Variants in PHKB observed in about 807,000 individuals in gnomAD.
PHKB encodes the protein phosphorylase b kinase regulatory subunit beta.
PHKB carries 122 observed loss-of-function variants against 152.1 expected under a neutral mutation model. The ratio of observed to expected loss-of-function variants is 0.80; its 90% confidence interval spans 0.69 to 0.93. PHKB has a LOEUF of 0.93. Ranked by LOEUF, PHKB falls within the 40% of genes least tolerant of loss-of-function variation. The pLI is 0.00. For synonymous variants in PHKB, 436 were observed against 464.9 expected (o/e 0.94, Z 0.80); for missense variants, 1,304 against 1,328.4 (o/e 0.98, Z 0.29).
At chr16:47,698,620 T>TG in intron 30 of PHKB, 32 bp downstream of exon 30, 1 of 1,471,850 alleles carries the variant, frequency 6.8e-7, no homozygotes, top group East Asian at 2.4e-5. Flanking sequence ...TTTTTTTTTT[T>TG]TTGAGAATTT....
intron 14 of PHKB, among the ~76,000 whole-genome samples, chr16:47,636,042 G>T (rs987248997): frequency 2.0e-5 from 3 of 152,322 alleles, no homozygotes; most frequent in Non-Finnish European, 4.4e-5. Context: ...TATGTAAAAG[G>T]CATCAAAGAT....
In PHKB at chr16:47,576,915, C is replaced by A. The variant is rs376230864; in HGVS notation, c.711-3380C>A. Reference sequence around the variant, plus strand: ...TTTAACTCTGCAAATCTCTTTCTTTCAATTGGTGTATTTCATGCTTTTAAA... The same window carrying A: ...TTTAACTCTGCAAATCTCTTTCTTTAAATTGGTGTATTTCATGCTTTTAAA... On this transcript the variant is annotated intron_variant, in intron 7 of 30. Transcript: ENST00000323584. 3.9e-5 allele frequency among the ~76,000 whole-genome samples: 6 copies of A among 152,128 alleles called. No homozygotes were observed. The East Asian group carries it at 5.8e-4, about 15-fold the overall frequency.
intron 6 of PHKB, among the ~76,000 whole-genome samples, chr16:47,534,148 G>A (rs1970911827): frequency 6.6e-6 from 1 of 152,226 alleles, no homozygotes; most frequent in South Asian, 2.1e-4. Flanking sequence ...ATGCAGCCCG[G>A]GTGTACCTAC....
chr16:47,526,942 G>A (rs1970778356), intron 6 of PHKB, among the ~76,000 whole-genome samples: 1 of 152,152 alleles, frequency 6.6e-6, no homozygotes, highest in Admixed American at 6.5e-5. Context: ...TTTTCCTCAA[G>A]GCAGAAGACA....
chr16:47,486,980 T>G (rs1467885391), intron 1 of PHKB, among the ~76,000 whole-genome samples: 1 of 152,202 alleles, frequency 6.6e-6, no homozygotes, highest in East Asian at 1.9e-4. Flanking sequence ...GAGAAGAATC[T>G]GAAGTTGGAA....
intron 14 of PHKB, among the ~76,000 whole-genome samples, chr16:47,636,030 G>T (rs1972913389): frequency 6.6e-6 from 1 of 152,184 alleles, no homozygotes; most frequent in African/African-American, 2.4e-5. Context: ...GCATATGGAG[G>T]TTATGTAAAA....
At chr16:47,670,528 C>T (rs973457123) in intron 26 of PHKB, among the ~76,000 whole-genome samples, 5 of 151,986 alleles carry the variant, frequency 3.3e-5, no homozygotes, top group African/African-American at 1.2e-4. Flanking sequence ...TCATTCCTAT[C>T]ACACAGGCTA....
At chr16:47,569,167 C>G (rs1316933059) in intron 7 of PHKB, among the ~76,000 whole-genome samples, 1 of 152,168 alleles carries the variant, frequency 6.6e-6, no homozygotes, top group Non-Finnish European at 1.5e-5. Context: ...CTTCTTAGGT[C>G]TAGCAGAATT....
chr16:47,470,564 G>T (rs766888633), intron 1 of PHKB, among the ~76,000 whole-genome samples: 1 of 152,142 alleles, frequency 6.6e-6, no homozygotes, highest in African/African-American at 2.4e-5. Context: ...GATTTTGGGG[G>T]CCTGTTCCCA....
intron 7 of PHKB, among the ~76,000 whole-genome samples, chr16:47,549,656 C>G (rs1430242761): frequency 6.6e-6 from 1 of 152,068 alleles, no homozygotes; most frequent in Non-Finnish European, 1.5e-5. Flanking sequence ...GATCGTGCCA[C>G]TGCACTCCAG....
intron 20 of PHKB, among the ~76,000 whole-genome samples, chr16:47,658,809 A>AGTGTGT (rs36066227): frequency 0.04 from 5,588 of 140,752 alleles, 156 homozygotes; most frequent in African/African-American, 0.07. Flanking sequence ...AATGCATGAC[A>AGTGTGT]GTGTGTGTGT....
chr16:47,605,636 T>C (rs1364737508), intron 13 of PHKB, among the ~76,000 whole-genome samples: 1 of 152,196 alleles, frequency 6.6e-6, no homozygotes, highest in East Asian at 1.9e-4. Flanking sequence ...CCCTGTATCA[T>C]GAGCTAAACT....
At chr16:47,464,319 A>G (rs1157785118) in intron 1 of PHKB, among the ~76,000 whole-genome samples, 2 of 152,176 alleles carry the variant, frequency 1.3e-5, no homozygotes, top group Admixed American at 1.3e-4. Flanking sequence ...TTCTTGCCAC[A>G]ATGGAAGTAA....
At chr16:47,501,879 T>G (rs1567281574) in intron 3 of PHKB, among the ~76,000 whole-genome samples, 2 of 152,212 alleles carry the variant, frequency 1.3e-5, no homozygotes, top group Non-Finnish European at 2.9e-5. Flanking sequence ...ACACTATCTA[T>G]GTAGAATATG....
At chr16:47,541,242 T>C (rs1392404025) in intron 6 of PHKB, among the ~76,000 whole-genome samples, 3 of 152,062 alleles carry the variant, frequency 2.0e-5, no homozygotes, top group Non-Finnish European at 4.4e-5. Flanking sequence ...TGAGAACATG[T>C]GGTGTTTGGT....
At chr16:47,677,609 A>G (rs752552476) in intron 26 of PHKB, among the ~76,000 whole-genome samples, 2 of 152,032 alleles carry the variant, frequency 1.3e-5, no homozygotes, top group South Asian at 2.1e-4. Flanking sequence ...TCCCAGCATA[A>G]GGGCCCCAAC....
intron 1 of PHKB, chr16:47,463,188 G>T (rs1170104918): frequency 1.0e-4 from 16 of 152,494 alleles, no homozygotes. Flanking sequence ...GTCAGTCTTT[G>T]TTTCCTCTGA....
chr16:47,520,491 G>A (rs1970667753), intron 6 of PHKB, among the ~76,000 whole-genome samples: 1 of 152,156 alleles, frequency 6.6e-6, no homozygotes, highest in Non-Finnish European at 1.5e-5. Context: ...CAAGTAGTCT[G>A]ACTCAAGAGT....
rs761339361 is a variant in PHKB, at chr16:47,610,892, G to A, written c.1430G>A (p.Arg477His). 3.8e-6 allele frequency: 6 copies of A among 1,598,678 alleles called. No homozygotes were observed. The highest frequency in any genetic ancestry group is 2.2e-5 in the East Asian group (1 of 44,800). ...VQRYVPLKDQ[R>H]NVSMRFSNQG... ...CGCTATGTCCCACTAAAGGATCAAC[G>A]TAACGTGAGCATGAGGTTTTCCAAT... is the stretch of plus-strand genomic sequence containing the variant. Residue 477 changes from arginine to histidine, a missense_variant, in exon 14 of 31, where the codon CGT becomes CAT. Physicochemically the swap from Arg to His is conservative, Grantham distance 29 (BLOSUM62 0). Coordinates refer to ENST00000323584, the MANE Select transcript of PHKB (RefSeq NM_000293.3).
Sources: allele counts gnomAD v4.1 joint callset (sites outside exome capture counted in the v4.1 genomes callset), GRCh38; gene constraint gnomAD v4.1.1; transcripts MANE v1.5; gene names NCBI Gene and HGNC (gene_info 2026-07-23, HGNC 2026-07-21).